The following DNAH7 variants were observed in gnomAD, a reference collection of about 807,000 sequenced individuals.
The protein encoded by DNAH7 is dynein axonemal heavy chain 7, also known as axonemal beta dynein heavy chain 7.
In DNAH7, 397 loss-of-function variants were observed where a neutral mutation model predicts 444.6. That is an observed-to-expected ratio of 0.89 (90% CI 0.82 to 0.97). DNAH7 has a LOEUF of 0.97. Among genes scored for constraint, DNAH7 ranks in the 50% least tolerant of loss-of-function variants. DNAH7 has a pLI of 0.00. For synonymous variants in DNAH7, 1,636 were observed against 1,624.4 expected (o/e 1.01, Z -0.17); for missense variants, 4,902 against 4,800.8 (o/e 1.02, Z -0.62).
chr2:195,942,113 A>G (rs1159108326), intron 19 of DNAH7, among the ~76,000 whole-genome samples: 1 of 152,166 alleles, frequency 6.6e-6, no homozygotes, highest in Non-Finnish European at 1.5e-5. Context: ...ATAGTAAGGT[A>G]GATGATAGAT....
chr2:195,950,255 A>T (rs1690129299), intron 19 of DNAH7, among the ~76,000 whole-genome samples: 1 of 151,940 alleles, frequency 6.6e-6, no homozygotes, highest in Admixed American at 6.6e-5. Flanking sequence ...TTTGGTTGGT[A>T]GGCTATTAAT....
At chr2:195,900,169 A>T (rs1686612643) in intron 28 of DNAH7, 113 bp downstream of exon 28, 2 of 1,183,210 alleles carry the variant, frequency 1.7e-6, no homozygotes, top group Admixed American at 4.3e-5. Flanking sequence ...TTAATAATTG[A>T]TTTTTTTCAA....
At chr2:195,991,356 T>C (rs1397955870) in intron 12 of DNAH7, among the ~76,000 whole-genome samples, 2 of 151,866 alleles carry the variant, frequency 1.3e-5, no homozygotes, top group African/African-American at 4.8e-5. Context: ...TACAGATAAG[T>C]TGTCATGCAC....
intron 21 of DNAH7, among the ~76,000 whole-genome samples, chr2:195,929,485 A>G (rs1013904502): frequency 6.6e-6 from 1 of 152,224 alleles, no homozygotes; most frequent in African/African-American, 2.4e-5. Context: ...TTATAAGGCT[A>G]TCATATCCAA....
At chr2:195,811,046 T>A (rs775478670) in intron 51 of DNAH7, among the ~76,000 whole-genome samples, 4 of 152,198 alleles carry the variant, frequency 2.6e-5, no homozygotes, top group Non-Finnish European at 4.4e-5. Flanking sequence ...AAGTTCAGGT[T>A]CAATCACTAG....
At chr2:195,896,191 A>G (rs1574698798) in intron 29 of DNAH7, among the ~76,000 whole-genome samples, 1 of 152,182 alleles carries the variant, frequency 6.6e-6, no homozygotes, top group South Asian at 2.1e-4. Context: ...AAAAGTTCCA[A>G]TATTAGGTAT....
intron 1 of DNAH7, among the ~76,000 whole-genome samples, chr2:196,062,380 C>G (rs1010462594): frequency 6.6e-6 from 1 of 152,214 alleles, no homozygotes; most frequent in East Asian, 1.9e-4. Flanking sequence ...CTTACCTTCT[C>G]TATGCTTGTA....
At chr2:195,852,962 C>A (rs1699473341) in intron 46 of DNAH7, among the ~76,000 whole-genome samples, 1 of 149,202 alleles carries the variant, frequency 6.7e-6, no homozygotes, top group South Asian at 2.1e-4. Flanking sequence ...AGTTCTGATA[C>A]CTTTTTACAG....
chr2:195,752,987 A>C (rs1693874699), intron 63 of DNAH7, among the ~76,000 whole-genome samples: 1 of 152,150 alleles, frequency 6.6e-6, no homozygotes, highest in South Asian at 2.1e-4. Context: ...GCTGAGGGGG[A>C]TTGTAGAAAG....
chr2:195,886,400 C>A (rs562898044), intron 33 of DNAH7, 128 bp from the exon 34 acceptor site: 10 of 760,930 alleles, frequency 1.3e-5, no homozygotes, highest in Middle Eastern at 3.9e-4. Flanking sequence ...ATACTACCTA[C>A]GAGTAGGTAC....
At position 195,884,778 on chromosome 2, in the gene DNAH7, A is replaced by T. The variant is rs1297346325; in HGVS notation, c.5570T>A (p.Val1857Asp). The change falls in exon 35 of 65, where the codon GTT becomes GAT. Residue 1857 changes from valine to aspartate, a missense_variant. Transcript: ENST00000312428. ...GIFLFSLIWS[V>D]GASCTDDDRL... The stretch of plus-strand genomic sequence containing the variant: ...ATCATCATCTGTACAAGAAGCACCA[A>T]CGGACCAGATCAATGAAAACAGAAA... The T allele has an allele frequency of 6.2e-7, 1 of 1,613,662 alleles. No individual in the cohort carries two copies. Among genetic ancestry groups the T allele is most frequent in the Non-Finnish European group, 8.5e-7 (1 of 1,179,878 alleles).
At chr2:195,738,240 C>A (rs1692771647) in intron 64 of DNAH7, 113 bp from the exon 65 acceptor site, 1 of 888,818 alleles carries the variant, frequency 1.1e-6, no homozygotes, top group South Asian at 1.7e-5. Flanking sequence ...ATTTCTGTGG[C>A]CCAAATTTAT....
At chr2:195,935,261 G>C (rs778544055) in intron 20 of DNAH7, among the ~76,000 whole-genome samples, 1 of 152,152 alleles carries the variant, frequency 6.6e-6, no homozygotes, top group Non-Finnish European at 1.5e-5. Flanking sequence ...AATCAACTGC[G>C]TTGACAGTAT....
intron 23 of DNAH7, among the ~76,000 whole-genome samples, chr2:195,923,319 T>C (rs2125355698): frequency 6.6e-6 from 1 of 152,344 alleles, no homozygotes; most frequent in East Asian, 1.9e-4. Context: ...TGAGTAATTT[T>C]TGATAATTAC....
intron 19 of DNAH7, among the ~76,000 whole-genome samples, chr2:195,952,547 G>A (rs1054459756): frequency 6.6e-5 from 10 of 151,988 alleles, no homozygotes; most frequent in East Asian, 5.8e-4. Flanking sequence ...CATTCTCCCC[G>A]TCAATTTCAG....
chr2:195,766,962 T>G (rs1313663639), intron 61 of DNAH7, among the ~76,000 whole-genome samples: 5 of 152,152 alleles, frequency 3.3e-5, no homozygotes, highest in Non-Finnish European at 4.4e-5. Context: ...TTACTTCTCT[T>G]TTTTTGCTTT....
At chr2:196,056,440 AAAG>A (rs1250918250) in intron 2 of DNAH7, among the ~76,000 whole-genome samples, 6 of 151,998 alleles carry the variant, frequency 3.9e-5, no homozygotes, top group Non-Finnish European at 5.9e-5. Context: ...AAAAAAGAAA[AAAG>A]AAATGTTTTT....
rs573804363 is a variant in DNAH7, at chr2:195,871,910, G to A, written c.6633+340C>T. ...CCCGCCACTGCACTCCAGCCTGGGC[G>A]ACAGAGCGAGACTCCGTCTCAAAAA... On this transcript the variant is annotated intron_variant, in intron 40 of 64. Coordinates refer to ENST00000312428, the MANE Select transcript of DNAH7 (RefSeq NM_018897.3). 8.1e-4 allele frequency among the ~76,000 whole-genome samples: 45 copies of A among 55,602 alleles called. No homozygotes were observed. In the Admixed American group the frequency reaches 9.9e-3, roughly 12 times the overall value. 36.5% of individuals were successfully genotyped at this position (55,602 alleles called of 152,430 possible).
chr2:195,972,073 A>G (rs1691880982), intron 16 of DNAH7, among the ~76,000 whole-genome samples, 169 bp downstream of exon 16: 1 of 152,198 alleles, frequency 6.6e-6, no homozygotes, highest in Non-Finnish European at 1.5e-5. Context: ...GCATTATAAA[A>G]GATCCAATAT....
Sources: allele counts gnomAD v4.1 joint callset (sites outside exome capture counted in the v4.1 genomes callset), GRCh38; gene constraint gnomAD v4.1.1; transcripts MANE v1.5; gene names NCBI Gene and HGNC (gene_info 2026-07-23, HGNC 2026-07-21).